Variants in KIAA1328 observed in about 807,000 individuals in gnomAD.
KIAA1328 encodes KIAA1328, also known as protein hinderin.
KIAA1328 carries 52 observed loss-of-function variants against 68.1 expected under a neutral mutation model. The ratio of observed to expected loss-of-function variants is 0.76; its 90% confidence interval spans 0.61 to 0.96. KIAA1328 has a LOEUF of 0.96. KIAA1328 is among the 40% of genes least tolerant of loss of function. The probability of loss-of-function intolerance (pLI) is 0.00; values close to 1 mark genes in which losing one functional copy is unlikely to be tolerated. For missense variants in KIAA1328, 641 were observed against 677.6 expected (o/e 0.95, Z 0.60); for synonymous variants, 232 against 239.4 (o/e 0.97, Z 0.28).
At chr18:37,078,407 A>G (rs1234821044) in intron 7 of KIAA1328, among the ~76,000 whole-genome samples, 5 of 152,032 alleles carry the variant, frequency 3.3e-5, no homozygotes, top group Non-Finnish European at 7.4e-5. Context: ...ACCATTCAGG[A>G]CATAGGCATG....
intron 6 of KIAA1328, among the ~76,000 whole-genome samples, chr18:37,008,087 A>G (rs989319853): frequency 2.6e-4 from 40 of 152,186 alleles, no homozygotes; most frequent in African/African-American, 9.2e-4. Flanking sequence ...GCAGTTTCCA[A>G]GTTTTTTCTC....
chr18:36,844,140 C>T (rs1160003473), intron 3 of KIAA1328, 68 bp from the exon 4 acceptor site: 1 of 984,540 alleles, frequency 1.0e-6, no homozygotes. Flanking sequence ...CACCTTGCAC[C>T]TAGGTTTCTT....
At chr18:37,132,281 C>T (rs2058541278) in intron 7 of KIAA1328, among the ~76,000 whole-genome samples, 1 of 152,090 alleles carries the variant, frequency 6.6e-6, no homozygotes, top group Non-Finnish European at 1.5e-5. Flanking sequence ...TTCTTTGATT[C>T]TACATGTTAC....
chr18:37,014,529 T>C (rs1172838626), intron 6 of KIAA1328, among the ~76,000 whole-genome samples: 2 of 152,172 alleles, frequency 1.3e-5, no homozygotes, highest in Non-Finnish European at 2.9e-5. Context: ...AGAGTTTTAG[T>C]TGGCTTGCAG....
intron 4 of KIAA1328, among the ~76,000 whole-genome samples, chr18:36,864,729 G>A (rs2047690081): frequency 6.6e-6 from 1 of 151,174 alleles, no homozygotes; most frequent in Non-Finnish European, 1.5e-5. Flanking sequence ...AATATTCACT[G>A]AAACCATCCA....
intron 7 of KIAA1328, among the ~76,000 whole-genome samples, chr18:37,153,857 T>A (rs75993989): frequency 0.039 from 3,814 of 98,580 alleles, 130 homozygotes; most frequent in East Asian, 0.13. Context: ...CTTTTTCTTT[T>A]AAAAAAAAAA....
chr18:36,893,350 C>T (rs568687387), intron 5 of KIAA1328, among the ~76,000 whole-genome samples: 1 of 151,870 alleles, frequency 6.6e-6, no homozygotes, highest in South Asian at 2.1e-4. Flanking sequence ...TCACTGCGGC[C>T]TGGATCTCCT....
chr18:37,096,913 T>A (rs1340322540), intron 7 of KIAA1328, among the ~76,000 whole-genome samples: 3 of 152,192 alleles, frequency 2.0e-5, no homozygotes, highest in East Asian at 3.9e-4. Context: ...CCACTTTTTG[T>A]TGGGGCCGTT....
At position 37,121,821 on chromosome 18, in the gene KIAA1328, TTGTTATTTAGGTGAATGCATG is replaced by T. The variant is rs376011559; in HGVS notation, c.1233-38378_1233-38358del. 8.4e-3 allele frequency among the ~76,000 whole-genome samples: 1,279 copies of T among 152,160 alleles called. 11 individuals are homozygous for T. Among genetic ancestry groups the T allele is most frequent in the African/African-American group, 0.028 (1,157 of 41,542 alleles). On this transcript the variant is annotated intron_variant, in intron 7 of 9. Coordinates refer to ENST00000280020, the MANE Select transcript of KIAA1328 (RefSeq NM_020776.3). Reference sequence around the variant, plus strand: ...TTTTGAAGAGATGCAGGCCTCCTATTTGTTATTTAGGTGAATGCATGAATGAAGGAGGTGTTTGACAGAGAA... The same window carrying T: ...TTTTGAAGAGATGCAGGCCTCCTATTAATGAAGGAGGTGTTTGACAGAGAA...
At chr18:37,216,612 T>A (rs1250767692) in intron 9 of KIAA1328, among the ~76,000 whole-genome samples, 1 of 152,154 alleles carries the variant, frequency 6.6e-6, no homozygotes, top group African/African-American at 2.4e-5. Context: ...TTCTGTTGAT[T>A]TGGGGTGGAG....
intron 7 of KIAA1328, among the ~76,000 whole-genome samples, chr18:37,090,996 G>A (rs1304000281): frequency 2.0e-5 from 3 of 152,080 alleles, no homozygotes; most frequent in Non-Finnish European, 1.5e-5. Flanking sequence ...TGATGAATAC[G>A]AAGTAATACA....
chr18:37,066,843 G>A (rs752618438), intron 6 of KIAA1328, 47 bp from the exon 7 acceptor site: 1 of 1,465,614 alleles, frequency 6.8e-7, no homozygotes, highest in South Asian at 1.4e-5. Context: ...GAAAGAACTT[G>A]TTTTGTTGTG....
intron 6 of KIAA1328, among the ~76,000 whole-genome samples, chr18:37,064,369 A>C (rs2056266451): frequency 6.6e-6 from 1 of 152,196 alleles, no homozygotes; most frequent in Non-Finnish European, 1.5e-5. Flanking sequence ...TTTACCCATC[A>C]GTCCATCATT....
Position 37,204,018 on chromosome 18 carries a change from G to A in KIAA1328, c.1524-17999G>A, listed in dbSNP as rs186794088. 8.9e-3 allele frequency among the ~76,000 whole-genome samples: 1,353 copies of A among 152,208 alleles called. 12 individuals are homozygous for A. Among genetic ancestry groups the A allele is most frequent in the Non-Finnish European group, 0.011 (739 of 67,994 alleles). ...GTAGAGATGGGGTTTCACCATGTTAGCCAGGATAGTCTCGATCTCCTGACC... is the reference window on the plus strand; with the variant it reads ...GTAGAGATGGGGTTTCACCATGTTAACCAGGATAGTCTCGATCTCCTGACC... On this transcript the variant is annotated intron_variant, in intron 9 of 9. Transcript: ENST00000280020.
chr18:36,955,187 A>G (rs2051356017), intron 5 of KIAA1328, among the ~76,000 whole-genome samples: 2 of 150,750 alleles, frequency 1.3e-5, no homozygotes, highest in Admixed American at 1.3e-4. Context: ...GCTAGAGTGC[A>G]ATGGCATGAT....
chr18:37,114,414 G>T (rs577179970), intron 7 of KIAA1328, among the ~76,000 whole-genome samples: 1 of 152,284 alleles, frequency 6.6e-6, no homozygotes, highest in African/African-American at 2.4e-5. Context: ...TGACTACTGG[G>T]TACATAATAA....
chr18:37,115,659 G>T (rs1188572659), intron 7 of KIAA1328, among the ~76,000 whole-genome samples: 3 of 152,164 alleles, frequency 2.0e-5, no homozygotes, highest in African/African-American at 7.2e-5. Context: ...TGGAAGTTCT[G>T]GCCTGGGCAA....
intron 7 of KIAA1328, among the ~76,000 whole-genome samples, chr18:37,111,021 C>T (rs1049029382): frequency 2.6e-5 from 4 of 152,116 alleles, no homozygotes; most frequent in Non-Finnish European, 5.9e-5. Context: ...ATCCTTTAAC[C>T]GTGAACCTGA....
chr18:36,830,636 G>A (rs1469151024), intron 1 of KIAA1328, among the ~76,000 whole-genome samples: 1 of 152,126 alleles, frequency 6.6e-6, no homozygotes. Flanking sequence ...TAGATATATG[G>A]ACTGAACCTA....
Sources: allele counts gnomAD v4.1 joint callset (sites outside exome capture counted in the v4.1 genomes callset), GRCh38; gene constraint gnomAD v4.1.1; transcripts MANE v1.5; gene names NCBI Gene and HGNC (gene_info 2026-07-23, HGNC 2026-07-21).